Variants in CA1 observed in about 807,000 individuals in gnomAD.
CA1 encodes carbonic anhydrase 1.
In CA1, 27 loss-of-function variants were observed where a neutral mutation model predicts 28.8. That is an observed-to-expected ratio of 0.94 (90% CI 0.69 to 1.29). The LOEUF (loss-of-function observed/expected upper bound fraction) is 1.29. CA1 is among the 50% of genes most tolerant of loss of function. The pLI is 0.00. For missense variants in CA1, 335 were observed against 310.5 expected (o/e 1.08, Z -0.59); for synonymous variants, 121 against 108.8 (o/e 1.11, Z -0.70).
chr8:85,348,548 C>T (rs1312511597), intron 1 of CA1, among the ~76,000 whole-genome samples: 2 of 152,096 alleles, frequency 1.3e-5, no homozygotes, highest in Admixed American at 6.6e-5. Flanking sequence ...GGGCAGGTTT[C>T]ACAGAAAAAG....
intron 2 of CA1, among the ~76,000 whole-genome samples, chr8:85,339,695 A>T (rs985312185): frequency 2.0e-5 from 3 of 152,246 alleles, no homozygotes; most frequent in Admixed American, 6.5e-5. Context: ...CCGTGAATGC[A>T]AAAGAAAAGT....
At chr8:85,334,938 C>T (rs536851167) in intron 4 of CA1, among the ~76,000 whole-genome samples, 15 of 152,074 alleles carry the variant, frequency 9.9e-5, no homozygotes, top group Middle Eastern at 3.4e-3. Flanking sequence ...TGCAGTAAGC[C>T]GAGATCGTGC....
chr8:85,374,017 G>A (rs926416905), intron 1 of CA1, among the ~76,000 whole-genome samples: 1 of 152,126 alleles, frequency 6.6e-6, no homozygotes, highest in African/African-American at 2.4e-5. Flanking sequence ...GATGGGGGTT[G>A]CACAGCAACG....
At chr8:85,353,898 A>C (rs1809503605) in intron 1 of CA1, among the ~76,000 whole-genome samples, 1 of 152,160 alleles carries the variant, frequency 6.6e-6, no homozygotes, top group Admixed American at 6.6e-5. Context: ...GTTCTTCTCA[A>C]TGACTTCTCA....
intron 1 of CA1, among the ~76,000 whole-genome samples, chr8:85,345,797 G>A (rs546358690): frequency 6.6e-6 from 1 of 152,062 alleles, no homozygotes; most frequent in South Asian, 2.1e-4. Context: ...ATTAATGGGA[G>A]GAATGAAGTG....
chr8:85,329,337 G>T (rs1254409708), intron 7 of CA1, among the ~76,000 whole-genome samples: 2 of 152,042 alleles, frequency 1.3e-5, no homozygotes, highest in South Asian at 4.1e-4. Flanking sequence ...AACTATCAAG[G>T]TATGCCAGCT....
chr8:85,346,960 T>C (rs1455055376), intron 1 of CA1, among the ~76,000 whole-genome samples: 1 of 152,132 alleles, frequency 6.6e-6, no homozygotes, highest in East Asian at 1.9e-4. Context: ...CTAAATCCTA[T>C]ATGTAAATAT....
intron 1 of CA1, among the ~76,000 whole-genome samples, chr8:85,353,441 G>T (rs1309549826): frequency 6.6e-6 from 1 of 152,156 alleles, no homozygotes; most frequent in African/African-American, 2.4e-5. Flanking sequence ...TATTTAAAGA[G>T]ATATTTGATG....
intron 7 of CA1, 148 bp from the exon 8 acceptor site, chr8:85,328,824 C>G (rs1311865241): frequency 3.5e-5 from 16 of 455,302 alleles, no homozygotes; most frequent in Non-Finnish European, 6.2e-5. Context: ...GCCCCAAATC[C>G]TTTACATTCA....
chr8:85,369,689 A>G (rs1012483796), intron 1 of CA1, among the ~76,000 whole-genome samples: 3 of 152,118 alleles, frequency 2.0e-5, no homozygotes, highest in African/African-American at 4.8e-5. Context: ...AAGCATGGGA[A>G]CAGGGTTCTC....
chr8:85,334,769 G>T (rs1388944260), intron 4 of CA1, among the ~76,000 whole-genome samples: 2 of 152,002 alleles, frequency 1.3e-5, no homozygotes, highest in Non-Finnish European at 1.5e-5. Context: ...GAGGCGGGCG[G>T]ATCACGAGGT....
chr8:85,364,015 T>A (rs1809910931), intron 1 of CA1, among the ~76,000 whole-genome samples: 1 of 152,186 alleles, frequency 6.6e-6, no homozygotes, highest in African/African-American at 2.4e-5. Flanking sequence ...ATTTTATTTT[T>A]TTTTAAATAG....
At position 85,328,586 on chromosome 8, in the gene CA1, C is replaced by T. The variant is rs121909577; in HGVS notation, c.760G>A (p.Gly254Ser). 6.2e-7 allele frequency: 1 copy of T among 1,609,134 alleles called. No homozygotes were observed. The highest frequency in any genetic ancestry group is 1.3e-5 in the African/African-American group (1 of 74,722). Residue 254 changes from glycine (G) to serine (S), a missense_variant, in exon 8 of 8, where the codon GGC becomes AGC. Physicochemically the swap from Gly to Ser is moderately conservative, Grantham distance 56. Coordinates refer to ENST00000523022, the MANE Select transcript of CA1 (RefSeq NM_001128831.4). Reference protein sequence around the residue: ...HNNRPTQPLKGRTVRASF With the variant: ...HNNRPTQPLKSRTVRASF ...CAAAATGAAGCTCTCACTGTTCTGC[C>T]CTTCAGAGGTTGGGTTGGGCGGTTG...
intron 4 of CA1, 113 bp from the exon 5 acceptor site, chr8:85,333,733 C>T: frequency 1.4e-6 from 1 of 697,896 alleles, no homozygotes; most frequent in Non-Finnish European, 2.6e-6. Context: ...ATACATAAAA[C>T]TTATGTGAAC....
chr8:85,369,583 C>G (rs577442530), intron 1 of CA1, among the ~76,000 whole-genome samples: 19 of 152,112 alleles, frequency 1.2e-4, no homozygotes, highest in African/African-American at 1.4e-4. Context: ...GTAGGGCCAA[C>G]AAGAAGGAGA....
chr8:85,353,246 AG>A (rs1215171695), intron 1 of CA1, among the ~76,000 whole-genome samples: 3 of 152,216 alleles, frequency 2.0e-5, no homozygotes, highest in Admixed American at 6.5e-5. Flanking sequence ...TTGCATCTTG[AG>A]TTTCTCACAC....
chr8:85,334,374 CT>C (rs1276305393), intron 4 of CA1, among the ~76,000 whole-genome samples: 1 of 152,192 alleles, frequency 6.6e-6, no homozygotes, highest in African/African-American at 2.4e-5. Flanking sequence ...ATGTTCACAA[CT>C]TTGAGCCTTT....
intron 1 of CA1, among the ~76,000 whole-genome samples, chr8:85,368,791 C>T (rs1487897242): frequency 1.3e-5 from 2 of 152,070 alleles, no homozygotes; most frequent in African/African-American, 4.8e-5. Context: ...TAAGGGAGTT[C>T]AAGCACTGTG....
chr8:85,335,259 C>A (rs1808600049), intron 4 of CA1, among the ~76,000 whole-genome samples: 3 of 152,218 alleles, frequency 2.0e-5, no homozygotes, highest in East Asian at 3.9e-4. Flanking sequence ...TATGCCTATA[C>A]TTCCCTGCTT....
Sources: gnomAD v4.1 joint callset for allele counts (sites outside exome capture counted in the v4.1 genomes callset) on GRCh38, gnomAD v4.1.1 for gene constraint, MANE v1.5 for transcripts, NCBI Gene and HGNC (gene_info 2026-07-23, HGNC 2026-07-21) for gene names.